CCDC85C: variants seen among roughly 807,000 people sequenced by gnomAD.
CCDC85C encodes coiled-coil domain-containing protein 85C.
CCDC85C carries 18 observed loss-of-function variants against 38.3 expected under a neutral mutation model. That is an observed-to-expected ratio of 0.47 (90% confidence interval 0.33 to 0.70). The LOEUF is 0.70. CCDC85C is among the 30% of genes least tolerant of loss of function. CCDC85C has a pLI of 0.03. For missense variants in CCDC85C, 566 were observed against 621.2 expected (o/e 0.91, Z 0.94); for synonymous variants, 264 against 293.8 (o/e 0.90, Z 1.04).
chr14:99,523,122 C>A (rs1897324931), intron 2 of CCDC85C, among the ~76,000 whole-genome samples: 1 of 152,282 alleles, frequency 6.6e-6, no homozygotes, highest in African/African-American at 2.4e-5. Context: ...GCAGATAAAA[C>A]CCTGCGGAAT....
chr14:99,538,048 G>A (rs1897639581), intron 1 of CCDC85C, among the ~76,000 whole-genome samples: 1 of 152,190 alleles, frequency 6.6e-6, no homozygotes. Flanking sequence ...AATGACTATG[G>A]ACCCACGTGT....
At position 99,506,239 on chromosome 14, in the gene CCDC85C, G is replaced by A. The variant is rs1427629689; in HGVS notation, c.*9007C>T. 1 of 152,266 alleles carries A rather than the reference G, an allele frequency of 6.6e-6. No individual in the cohort carries two copies. Among genetic ancestry groups the A allele is most frequent in the African/African-American group, 2.4e-5 (1 of 41,454 alleles). 9.4% of individuals were successfully genotyped at this position (152,266 alleles called of 1,614,324 possible). A position where few individuals can be genotyped will look rare whatever the true frequency, so the allele number is the denominator to read the frequency against. On this transcript the variant is annotated 3_prime_UTR_variant, in exon 6 of 6. Transcript: ENST00000380243. ...AAATCCAGAGAAAGAGGCCAGTGATGGCAGAGGAGACTCAGATCTGAGTGG... is the reference window on the plus strand; with the variant it reads ...AAATCCAGAGAAAGAGGCCAGTGATAGCAGAGGAGACTCAGATCTGAGTGG...
At chr14:99,531,907 A>G (rs2032522275) in intron 2 of CCDC85C, among the ~76,000 whole-genome samples, 1 of 152,184 alleles carries the variant, frequency 6.6e-6, no homozygotes, top group Non-Finnish European at 1.5e-5. Flanking sequence ...GATTATCTCC[A>G]AAGATGGTAC....
At chr14:99,549,515 G>A (rs1350939649) in intron 1 of CCDC85C, among the ~76,000 whole-genome samples, 1 of 152,182 alleles carries the variant, frequency 6.6e-6, no homozygotes, top group Non-Finnish European at 1.5e-5. Flanking sequence ...GCCCCAACCT[G>A]CTCTGTGACC....
At chr14:99,565,700 G>A (rs1427656423) in intron 1 of CCDC85C, among the ~76,000 whole-genome samples, 4 of 152,280 alleles carry the variant, frequency 2.6e-5, no homozygotes, top group South Asian at 2.1e-4. Context: ...GGAGGACACC[G>A]GCCCCCACCC....
intron 1 of CCDC85C, among the ~76,000 whole-genome samples, chr14:99,584,892 A>C (rs2055010905): frequency 1.3e-5 from 2 of 152,188 alleles, no homozygotes; most frequent in African/African-American, 4.8e-5. Flanking sequence ...AGTTTGAGAC[A>C]AGCCTGGGCA....
In CCDC85C at chr14:99,516,011, A is replaced by G. The variant is rs1415304605; in HGVS notation, c.1170+177T>C. Among the ~76,000 whole-genome samples, 1 of 152,122 alleles carries G rather than the reference A, an allele frequency of 6.6e-6. No individual in the cohort carries two copies. Among genetic ancestry groups the G allele is most frequent in the Non-Finnish European group, 1.5e-5 (1 of 68,004 alleles). ...GGGAAGGGCAGGGGGCAGCGAGATG[A>G]CAACGGGCCAGGGCTCCTAGCACCT... is the stretch of plus-strand genomic sequence containing the variant. On this transcript the variant is annotated intron_variant, in intron 5 of 5. Coordinates refer to ENST00000380243, the MANE Select transcript of CCDC85C (RefSeq NM_001144995.2). The surrounding 1 kb of genome is among the most constrained non-coding windows in gnomAD (Gnocchi z 5.5).
rs556306663 is a variant in CCDC85C at position 99,516,092 on chromosome 14, A to G, written c.1170+96T>C. On this transcript the variant is annotated intron_variant, in intron 5 of 5. Transcript: ENST00000380243. The surrounding 1 kb of genome is among the most constrained non-coding windows in gnomAD (Gnocchi z 5.5). ...CCCAGCCTTCGCTGAGCATTCGAGA[A>G]ATGGAGTCCCACATGGGGAAGGGTA... 1 of 969,430 alleles carries G rather than the reference A, an allele frequency of 1.0e-6. No homozygotes were observed. Among genetic ancestry groups the G allele is most frequent in the South Asian group, 1.4e-5 (1 of 71,556 alleles). 60.1% of individuals were successfully genotyped at this position (969,430 alleles called of 1,614,324 possible). A position where few individuals can be genotyped will look rare whatever the true frequency, so the allele number is the denominator to read the frequency against.
At chr14:99,523,789 C>T (rs914653028) in intron 2 of CCDC85C, among the ~76,000 whole-genome samples, 5 of 152,132 alleles carry the variant, frequency 3.3e-5, no homozygotes, top group African/African-American at 4.8e-5. Flanking sequence ...GGTCTCAGCA[C>T]GGGGGCCTTG....
At chr14:99,559,150 T>C (rs1477188942) in intron 1 of CCDC85C, among the ~76,000 whole-genome samples, 1 of 152,116 alleles carries the variant, frequency 6.6e-6, no homozygotes, top group African/African-American at 2.4e-5. Flanking sequence ...AAACCTCTTT[T>C]ATTTATAAAT....
chr14:99,532,450 C>A (rs1388231605), intron 2 of CCDC85C, among the ~76,000 whole-genome samples: 1 of 152,226 alleles, frequency 6.6e-6, no homozygotes, highest in South Asian at 2.1e-4. Flanking sequence ...AAGGGTGAGA[C>A]TGGCCTGCCA....
chr14:99,565,834 G>T (rs530380577), intron 1 of CCDC85C, among the ~76,000 whole-genome samples: 6 of 152,228 alleles, frequency 3.9e-5, no homozygotes, highest in African/African-American at 9.6e-5. Flanking sequence ...AGAAGGCCAG[G>T]CCAGGGAGGA....
chr14:99,573,548 C>T (rs1898404832), intron 1 of CCDC85C, among the ~76,000 whole-genome samples: 1 of 152,222 alleles, frequency 6.6e-6, no homozygotes, highest in Admixed American at 6.5e-5. Flanking sequence ...CTATCCAGAG[C>T]CCTGCTGATG....
Position 99,510,049 on chromosome 14 carries a change from G to T in CCDC85C, c.*5197C>A. On this transcript the variant is annotated 3_prime_UTR_variant, in exon 6 of 6. Transcript: ENST00000380243. ...ATGCGTTGGGCCACAGAGGAGGCGG[G>T]CAGCTGCTCCCTGCTCCTCTGTAAA... The T allele has an allele frequency of 8.8e-7, 1 of 1,130,954 alleles. No homozygotes were observed. The highest frequency in any genetic ancestry group is 1.2e-6 in the Non-Finnish European group (1 of 814,588). 70.1% of individuals were successfully genotyped at this position (1,130,954 alleles called of 1,614,324 possible).
At chr14:99,592,698 T>C (rs564194598) in intron 1 of CCDC85C, among the ~76,000 whole-genome samples, 2 of 152,242 alleles carry the variant, frequency 1.3e-5, no homozygotes, top group South Asian at 4.1e-4. Flanking sequence ...CTAGGGTTTA[T>C]CCTCTGGCAA....
intron 1 of CCDC85C, among the ~76,000 whole-genome samples, chr14:99,570,667 T>C (rs1277825279): frequency 6.6e-6 from 1 of 152,068 alleles, no homozygotes; most frequent in Non-Finnish European, 1.5e-5. Context: ...TATCCTACAG[T>C]CCAGGGGGTC....
At chr14:99,543,450 A>C (rs1457491874) in intron 1 of CCDC85C, among the ~76,000 whole-genome samples, 6 of 152,128 alleles carry the variant, frequency 3.9e-5, no homozygotes, top group Admixed American at 3.9e-4. Flanking sequence ...AAGAATAACC[A>C]CATCTACTGC....
intron 2 of CCDC85C, among the ~76,000 whole-genome samples, chr14:99,527,799 C>T (rs1897415036): frequency 6.6e-6 from 1 of 152,174 alleles, no homozygotes; most frequent in Admixed American, 6.5e-5. Context: ...TCTCCACTAA[C>T]TCATGCAGAC....
At chr14:99,515,697 C>T (rs556104945) in intron 5 of CCDC85C, among the ~76,000 whole-genome samples, 1 of 152,232 alleles carries the variant, frequency 6.6e-6, no homozygotes, top group African/African-American at 2.4e-5. Context: ...CTGCAAGCAC[C>T]CCCAAGGAGA....
Sources: gnomAD v4.1 joint callset for allele counts (sites outside exome capture counted in the v4.1 genomes callset) on GRCh38, gnomAD v4.1.1 for gene constraint, Gnocchi (gnomAD v3.1) non-coding constraint, MANE v1.5 for transcripts, NCBI Gene and HGNC (gene_info 2026-07-23, HGNC 2026-07-21) for gene names.